FSAF1: variants seen among roughly 807,000 people sequenced by gnomAD.
FSAF1 encodes 40S small subunit processome assembly factor 1, also known as uncharacterized protein C1orf131.
the FSAF1 span, among the ~76,000 whole-genome samples, chr1:231,233,221 T>C: frequency 6.6e-6 from 1 of 152,178 alleles, no homozygotes; most frequent in East Asian, 1.9e-4. Flanking sequence ...TCAGAGTCAG[T>C]GTACTTGTGT....
the FSAF1 span, chr1:231,225,981 T>A: frequency 8.6e-6 from 1 of 116,934 alleles, no homozygotes; most frequent in Admixed American, 1.1e-4. Flanking sequence ...GTATACAAGG[T>A]TATACAACGT....
At chr1:231,232,721 A>G in the FSAF1 span, among the ~76,000 whole-genome samples, 2 of 152,354 alleles carry the variant, frequency 1.3e-5, no homozygotes, top group East Asian at 3.9e-4. Flanking sequence ...AGCTAGAAAA[A>G]GAAAGAACAG....
At chr1:231,240,466 T>C in the FSAF1 span, among the ~76,000 whole-genome samples, 2 of 152,050 alleles carry the variant, frequency 1.3e-5, no homozygotes, top group African/African-American at 4.8e-5. The surrounding 1 kb of genome is among the most constrained non-coding windows in gnomAD (Gnocchi z 4.1). Flanking sequence ...GCGACTTTAA[T>C]AGGCTCTTTT....
chr1:231,228,297 T>G, the FSAF1 span, among the ~76,000 whole-genome samples: 1 of 152,158 alleles, frequency 6.6e-6, no homozygotes, highest in Non-Finnish European at 1.5e-5. Flanking sequence ...GAGTATAAAA[T>G]ATTCAACCAA....
At chr1:231,229,777 C>T in the FSAF1 span, among the ~76,000 whole-genome samples, 129 of 152,038 alleles carry the variant, frequency 8.5e-4, 1 homozygote, top group South Asian at 2.7e-3. Context: ...TATGAAATAC[C>T]CAGAGGAGTC....
chr1:231,226,862 T>G, the FSAF1 span: 4 of 1,592,382 alleles, frequency 2.5e-6, no homozygotes, highest in Non-Finnish European at 3.4e-6. Context: ...CCATCATATT[T>G]TATTCTGCAA....
At chr1:231,235,377 G>C in the FSAF1 span, among the ~76,000 whole-genome samples, 2 of 152,052 alleles carry the variant, frequency 1.3e-5, no homozygotes, top group African/African-American at 4.8e-5. Flanking sequence ...TGCACCTGTA[G>C]TCCCAGCTAC....
chr1:231,238,774 C>T, the FSAF1 span: 1 of 1,338,254 alleles, frequency 7.5e-7, no homozygotes, highest in African/African-American at 1.5e-5. Flanking sequence ...TCAGGCATTC[C>T]TGCCACAGTC....
the FSAF1 span, among the ~76,000 whole-genome samples, chr1:231,232,381 T>C: frequency 6.6e-6 from 1 of 152,152 alleles, no homozygotes; most frequent in Non-Finnish European, 1.5e-5. Flanking sequence ...GTGTGCCTAC[T>C]TCCACGTGGA....
chr1:231,225,386 C>A, the FSAF1 span: 9 of 1,308,544 alleles, frequency 6.9e-6, no homozygotes. Flanking sequence ...CTAGCAACAC[C>A]ACATACATTC....
chr1:231,224,019 T>C, the FSAF1 span: 1 of 349,212 alleles, frequency 2.9e-6, no homozygotes. Context: ...GAAACAGGAG[T>C]GAAGTTTGCT....
the FSAF1 span, among the ~76,000 whole-genome samples, chr1:231,229,406 G>T: frequency 6.6e-6 from 1 of 152,148 alleles, no homozygotes; most frequent in East Asian, 1.9e-4. Flanking sequence ...ATATTGGTGG[G>T]AATGTTTTAC....
the FSAF1 span, among the ~76,000 whole-genome samples, chr1:231,231,156 A>G: frequency 7.2e-5 from 11 of 152,320 alleles, no homozygotes; most frequent in African/African-American, 2.2e-4. Context: ...CTTGGCTGAC[A>G]GCATCAAGTG....
the FSAF1 span, chr1:231,238,832 A>G: frequency 1.3e-6 from 2 of 1,582,298 alleles, no homozygotes; most frequent in South Asian, 2.2e-5. Flanking sequence ...TTCACCACGT[A>G]TATATAAGCT....
the FSAF1 span, among the ~76,000 whole-genome samples, chr1:231,233,244 A>G: frequency 1.3e-5 from 2 of 152,226 alleles, no homozygotes; most frequent in African/African-American, 4.8e-5. Context: ...CTCAAAGGAC[A>G]AAGAGCAGAG....
chr1:231,238,570 G>T, the FSAF1 span: 1 of 280,276 alleles, frequency 3.6e-6, no homozygotes, highest in Non-Finnish European at 6.7e-6. Flanking sequence ...CTGAGGTCTT[G>T]AGCCACTGCT....
At chr1:231,230,026 A>T in the FSAF1 span, among the ~76,000 whole-genome samples, 8 of 152,200 alleles carry the variant, frequency 5.3e-5, no homozygotes, top group African/African-American at 1.4e-4. Flanking sequence ...TACCACAATT[A>T]AAAAAATGGA....
the FSAF1 span, among the ~76,000 whole-genome samples, chr1:231,230,066 G>C: frequency 6.6e-6 from 1 of 152,170 alleles, no homozygotes; most frequent in South Asian, 2.1e-4. Flanking sequence ...AACTGGCCCA[G>C]ATGGCCAACT....
the FSAF1 span, among the ~76,000 whole-genome samples, chr1:231,228,111 C>G: frequency 2.0e-5 from 3 of 152,152 alleles, no homozygotes; most frequent in African/African-American, 7.2e-5. Context: ...AACATAGATC[C>G]ATGGTTTTAG....
Sources: allele counts gnomAD v4.1 joint callset (sites outside exome capture counted in the v4.1 genomes callset), GRCh38; gene constraint gnomAD v4.1.1; non-coding constraint Gnocchi (gnomAD v3.1); transcripts MANE v1.5; gene names NCBI Gene and HGNC (gene_info 2026-07-23, HGNC 2026-07-21).